The following ERC2 variants were observed in gnomAD, a reference collection of about 807,000 sequenced individuals.
ERC2 encodes the protein ELKS/RAB6-interacting/CAST family member 2, also known as ERC protein 2.
In ERC2, 42 loss-of-function variants were observed where a neutral mutation model predicts 114.8. The ratio of observed to expected loss-of-function variants is 0.37; its 90% confidence interval spans 0.29 to 0.47. ERC2 has a LOEUF of 0.47. ERC2 is among the 20% of genes least tolerant of loss of function. ERC2 has a pLI of 0.99. For missense variants in ERC2, 939 were observed against 1,150.7 expected (o/e 0.82, Z 2.66); for synonymous variants, 454 against 425.5 (o/e 1.07, Z -0.82).
At chr3:55,516,253 A>C (rs529224809) in intron 17 of ERC2, among the ~76,000 whole-genome samples, 34 of 152,166 alleles carry the variant, frequency 2.2e-4, no homozygotes, top group Admixed American at 1.1e-3. Flanking sequence ...TAAAAAAAAA[A>C]AAACAAACAA....
intron 14 of ERC2, among the ~76,000 whole-genome samples, chr3:55,825,523 C>T (rs2060291079): frequency 6.6e-6 from 1 of 152,172 alleles, no homozygotes; most frequent in Non-Finnish European, 1.5e-5. Context: ...TAAAATATCA[C>T]TATTCTTCAG....
At chr3:56,044,926 T>C (rs1206163842) in intron 7 of ERC2, among the ~76,000 whole-genome samples, 1 of 152,210 alleles carries the variant, frequency 6.6e-6, no homozygotes, top group African/African-American at 2.4e-5. Context: ...TATTTTGTTA[T>C]TGCTTAGTAT....
intron 12 of ERC2, among the ~76,000 whole-genome samples, chr3:55,959,311 G>A (rs2068195803): frequency 6.6e-6 from 1 of 152,162 alleles, no homozygotes; most frequent in Admixed American, 6.5e-5. Flanking sequence ...TTCTGACCCT[G>A]AAACCTCCCC....
At chr3:55,904,483 A>G (rs567749441) in intron 13 of ERC2, among the ~76,000 whole-genome samples, 4 of 152,340 alleles carry the variant, frequency 2.6e-5, no homozygotes, top group African/African-American at 9.6e-5. Flanking sequence ...GCTTTGAACA[A>G]TCCTATTTTT....
At chr3:55,629,059 G>A (rs2148620639) in intron 17 of ERC2, among the ~76,000 whole-genome samples, 1 of 152,270 alleles carries the variant, frequency 6.6e-6, no homozygotes, top group South Asian at 2.1e-4. Flanking sequence ...ATGAACTACT[G>A]TAAAGGGACA....
intron 1 of ERC2, among the ~76,000 whole-genome samples, chr3:56,465,502 A>G (rs2063503720): frequency 6.6e-6 from 1 of 152,236 alleles, no homozygotes; most frequent in African/African-American, 2.4e-5. Flanking sequence ...GTCTCTGTAA[A>G]TAACAAAGAA....
intron 17 of ERC2, among the ~76,000 whole-genome samples, chr3:55,628,652 T>G (rs986614304): frequency 2.0e-5 from 3 of 152,030 alleles, no homozygotes; most frequent in African/African-American, 7.3e-5. Flanking sequence ...TGGATTCCAG[T>G]CCTAAAGGCT....
intron 16 of ERC2, among the ~76,000 whole-genome samples, chr3:55,695,741 A>T (rs1223871150): frequency 6.6e-6 from 1 of 152,218 alleles, no homozygotes; most frequent in African/African-American, 2.4e-5. Context: ...ATACTGCTGG[A>T]AACTGGATCA....
intron 16 of ERC2, among the ~76,000 whole-genome samples, chr3:55,690,563 A>T (rs1403554577): frequency 6.6e-6 from 1 of 152,190 alleles, no homozygotes; most frequent in Non-Finnish European, 1.5e-5. Flanking sequence ...TGTTGACTCA[A>T]AGGATACTGC....
At chr3:56,448,365 T>C (rs1339452623) in intron 1 of ERC2, among the ~76,000 whole-genome samples, 4 of 152,292 alleles carry the variant, frequency 2.6e-5, no homozygotes, top group East Asian at 3.9e-4. Context: ...GCTAACAAAC[T>C]GGTAAACAAA....
intron 3 of ERC2, among the ~76,000 whole-genome samples, chr3:56,235,699 T>C (rs2050897082): frequency 6.6e-6 from 1 of 152,232 alleles, no homozygotes; most frequent in African/African-American, 2.4e-5. Context: ...CAGTAGCCAC[T>C]AACCACAAAT....
intron 14 of ERC2, among the ~76,000 whole-genome samples, chr3:55,845,276 G>T (rs1341598753): frequency 6.6e-6 from 1 of 152,080 alleles, no homozygotes; most frequent in Non-Finnish European, 1.5e-5. Context: ...AGGCCGAGGC[G>T]GGCGGATCAC....
At chr3:55,543,788 G>T (rs769887988) in intron 17 of ERC2, among the ~76,000 whole-genome samples, 1 of 152,000 alleles carries the variant, frequency 6.6e-6, no homozygotes, top group Non-Finnish European at 1.5e-5. Context: ...TTCTCTCTAC[G>T]TCCCTCTTCT....
At chr3:55,624,653 C>A (rs1336400934) in intron 17 of ERC2, among the ~76,000 whole-genome samples, 1 of 152,178 alleles carries the variant, frequency 6.6e-6, no homozygotes, top group Non-Finnish European at 1.5e-5. Flanking sequence ...GCTCGGGGCA[C>A]TGACTCAGTG....
intron 6 of ERC2, among the ~76,000 whole-genome samples, chr3:56,130,370 A>G (rs1316253267): frequency 6.6e-6 from 1 of 152,212 alleles, no homozygotes; most frequent in African/African-American, 2.4e-5. Flanking sequence ...GTGTTCAGTT[A>G]CCGGGCAGAC....
At chr3:55,563,216 T>G (rs905783694) in intron 17 of ERC2, among the ~76,000 whole-genome samples, 5 of 152,174 alleles carry the variant, frequency 3.3e-5, no homozygotes, top group African/African-American at 4.8e-5. Context: ...ATAATAATCA[T>G]TTCTTAGCAG....
At chr3:55,591,739 C>G (rs1208721777) in intron 17 of ERC2, among the ~76,000 whole-genome samples, 1 of 152,150 alleles carries the variant, frequency 6.6e-6, no homozygotes, top group Non-Finnish European at 1.5e-5. Flanking sequence ...CACTGAACTC[C>G]TTTTCTTTGC....
chr3:56,391,314 G>A (rs935376958), intron 2 of ERC2, among the ~76,000 whole-genome samples: 1 of 152,126 alleles, frequency 6.6e-6, no homozygotes, highest in African/African-American at 2.4e-5. Context: ...CTTCCAATGT[G>A]CACCATTGAC....
In ERC2 at chr3:56,172,089, G is replaced by A. The variant is rs1444391283; in HGVS notation, c.1149+1357C>T. The stretch of plus-strand genomic sequence containing the variant: ...CAGGTTTGATTCCAATGTGAAGTGA[G>A]GATAAACTCTGAATTATGAACCACT... On this transcript the variant is annotated intron_variant, in intron 4 of 17. Transcript: ENST00000288221. 2.0e-5 allele frequency among the ~76,000 whole-genome samples: 3 copies of A among 150,966 alleles called. No homozygotes were observed. The East Asian group carries it at 5.8e-4, about 29-fold the overall frequency.
Sources: allele counts gnomAD v4.1 joint callset (sites outside exome capture counted in the v4.1 genomes callset), GRCh38; gene constraint gnomAD v4.1.1; transcripts MANE v1.5; gene names NCBI Gene and HGNC (gene_info 2026-07-23, HGNC 2026-07-21).